The following TMEM132B variants were observed in gnomAD, a reference collection of about 807,000 sequenced individuals.
TMEM132B encodes transmembrane protein 132B.
In TMEM132B, 18 loss-of-function variants were observed where a neutral mutation model predicts 90.8. The ratio of observed to expected loss-of-function variants is 0.20; its 90% CI spans 0.14 to 0.29. The LOEUF is 0.29. Ranked by LOEUF, TMEM132B falls within the 10% of genes least tolerant of loss-of-function variation. TMEM132B has a pLI of 1.00. For synonymous variants in TMEM132B, 504 were observed against 523.3 expected (o/e 0.96, Z 0.50); for missense variants, 1,096 against 1,326.8 (o/e 0.83, Z 2.70).
At chr12:125,219,225 A>C (rs1045236297) in intron 1 of TMEM132B, among the ~76,000 whole-genome samples, 1 of 152,182 alleles carries the variant, frequency 6.6e-6, no homozygotes, top group Non-Finnish European at 1.5e-5. Context: ...GAGATGCAGA[A>C]ATGCATTCCC....
intron 5 of TMEM132B, among the ~76,000 whole-genome samples, chr12:125,594,495 C>T (rs1213833736): frequency 6.6e-6 from 1 of 152,224 alleles, no homozygotes; most frequent in Admixed American, 6.5e-5. Context: ...TACTTTCCCA[C>T]TATCAGGATT....
At chr12:125,302,816 G>T (rs1389704174) in intron 1 of TMEM132B, among the ~76,000 whole-genome samples, 1 of 152,070 alleles carries the variant, frequency 6.6e-6, no homozygotes, top group East Asian at 1.9e-4. Flanking sequence ...CATTAAGCAG[G>T]CTGGGTGCGG....
rs1300438832 is a variant in TMEM132B, at chr12:125,492,337, C to T, written c.1107-27102C>T. On this transcript the variant is annotated intron_variant, in intron 3 of 8. Transcript: ENST00000682704. The surrounding 1 kb of genome is among the most constrained non-coding windows in gnomAD (Gnocchi z 5.8). ...AGCGGGCTCTCGCGTGTCCTCCAAA[C>T]ACTGCTGCATGCCATGACACAGCTA... Among the ~76,000 whole-genome samples, 1 of 152,260 alleles carries T rather than the reference C, an allele frequency of 6.6e-6. No homozygotes were observed. Among genetic ancestry groups the T allele is most frequent in the Non-Finnish European group, 1.5e-5 (1 of 68,048 alleles).
chr12:125,368,805 T>C (rs1260891835), intron 2 of TMEM132B, among the ~76,000 whole-genome samples: 1 of 150,886 alleles, frequency 6.6e-6, no homozygotes, highest in Non-Finnish European at 1.5e-5. Flanking sequence ...TGCTTGGAAA[T>C]ACAATTTTTT....
intron 5 of TMEM132B, among the ~76,000 whole-genome samples, chr12:125,609,816 C>CAAAAAAA (rs763840695): frequency 4.8e-4 from 19 of 39,436 alleles, no homozygotes; most frequent in African/African-American, 1.9e-3. Flanking sequence ...GACTCTGTCT[C>CAAAAAAA]AAAAAAAAAA....
intron 1 of TMEM132B, among the ~76,000 whole-genome samples, chr12:125,259,060 G>T (rs1189220016): frequency 6.6e-6 from 1 of 152,154 alleles, no homozygotes; most frequent in Admixed American, 6.5e-5. Context: ...TGCCAGTGAT[G>T]TTCCAAGAAG....
At chr12:125,477,227 T>A (rs1231323834) in intron 3 of TMEM132B, among the ~76,000 whole-genome samples, 1 of 152,194 alleles carries the variant, frequency 6.6e-6, no homozygotes, top group Non-Finnish European at 1.5e-5. Context: ...TTCCCTTTTT[T>A]AAGAGTACAA....
chr12:125,490,503 A>T lies in TMEM132B; in HGVS notation c.1107-28936A>T, dbSNP rs79995407. ...TTTTGAGACAGAGCCTTGCTCTGTC[A>T]CCCAGGCTGGAGTGCAGTGGCTTGA... On this transcript the variant is annotated intron_variant, in intron 3 of 8. Coordinates refer to ENST00000682704, the MANE Select transcript of TMEM132B (RefSeq NM_001366854.1). This position sits in a 1 kb window ranked among gnomAD's most constrained non-coding sequence, Gnocchi z 4.2. Among the ~76,000 whole-genome samples the T allele has an allele frequency of 6.6e-6, 1 of 152,054 alleles. No individual in the cohort carries two copies. The highest frequency in any genetic ancestry group is 1.5e-5 in the Non-Finnish European group (1 of 68,020).
intron 5 of TMEM132B, among the ~76,000 whole-genome samples, chr12:125,639,157 C>T (rs1176286012): frequency 6.6e-6 from 1 of 152,126 alleles, no homozygotes; most frequent in East Asian, 1.9e-4. Flanking sequence ...CTCCCCACAC[C>T]CCTCCTTCCC....
At chr12:125,354,257 C>T (rs893760052) in intron 2 of TMEM132B, among the ~76,000 whole-genome samples, 5 of 152,210 alleles carry the variant, frequency 3.3e-5, no homozygotes, top group Non-Finnish European at 7.3e-5. Flanking sequence ...AAACTGGTGG[C>T]GGTAGCCAAA....
rs1167824883 is a variant in TMEM132B at position 125,528,472 on chromosome 12, TACA to T, written c.1293+8852_1293+8854del. Among the ~76,000 whole-genome samples, 16 of 152,306 alleles carry T rather than the reference TACA, an allele frequency of 1.1e-4. No homozygotes were observed. The East Asian group carries it at 3.1e-3, about 29-fold the overall frequency. ...TTTTAGTCGTATTGGCCTGAAACCT[TACA>T]ACAAGGCCTGGACACAAATACTTCT... On this transcript the variant is annotated intron_variant, in intron 4 of 8. Coordinates refer to ENST00000682704, the MANE Select transcript of TMEM132B (RefSeq NM_001366854.1).
chr12:125,584,277 TTCTC>T (rs777862203), intron 5 of TMEM132B: 9 of 408,728 alleles, frequency 2.2e-5, no homozygotes, highest in Admixed American at 7.6e-5. Flanking sequence ...TCCCCTATTC[TTCTC>T]TCTATCTTTC....
At chr12:125,455,707 A>G (rs567741607) in intron 3 of TMEM132B, among the ~76,000 whole-genome samples, 1 of 151,324 alleles carries the variant, frequency 6.6e-6, no homozygotes, top group African/African-American at 2.4e-5. Context: ...GGTATGTGTA[A>G]TCACTTGTAT....
At chr12:125,319,617 T>C (rs1876374266) in intron 1 of TMEM132B, among the ~76,000 whole-genome samples, 2 of 152,226 alleles carry the variant, frequency 1.3e-5, no homozygotes, top group African/African-American at 4.8e-5. Flanking sequence ...CCCTCAGGGC[T>C]GCGCTGGGCT....
chr12:125,650,320 G>C (rs1886873937), intron 6 of TMEM132B, among the ~76,000 whole-genome samples: 1 of 152,100 alleles, frequency 6.6e-6, no homozygotes, highest in Non-Finnish European at 1.5e-5. Context: ...CCAATGGGAG[G>C]GGTCAAAATG....
At chr12:125,204,500 A>G (rs111868247) in intron 1 of TMEM132B, among the ~76,000 whole-genome samples, 59 of 19,808 alleles carry the variant, frequency 3.0e-3, no homozygotes, top group African/African-American at 4.3e-3. Flanking sequence ...CTTTCAATGA[A>G]GGCTCCGTGT....
intron 2 of TMEM132B, among the ~76,000 whole-genome samples, chr12:125,352,142 C>T (rs1877607922): frequency 6.6e-6 from 1 of 152,202 alleles, no homozygotes; most frequent in African/African-American, 2.4e-5. Flanking sequence ...TTCAGGAAGG[C>T]CTTTAAGGCT....
chr12:125,563,789 G>A (rs1043910399), intron 4 of TMEM132B, among the ~76,000 whole-genome samples: 1 of 152,136 alleles, frequency 6.6e-6, no homozygotes, highest in African/African-American at 2.4e-5. Flanking sequence ...ACACAAAGGA[G>A]AAATACAGAG....
At chr12:125,220,347 A>G (rs1433683217) in intron 1 of TMEM132B, among the ~76,000 whole-genome samples, 1 of 152,152 alleles carries the variant, frequency 6.6e-6, no homozygotes, top group Non-Finnish European at 1.5e-5. Context: ...ACCAGGGGCG[A>G]CCCAGCCTCA....
Sources: allele counts gnomAD v4.1 joint callset (sites outside exome capture counted in the v4.1 genomes callset), GRCh38; gene constraint gnomAD v4.1.1; non-coding constraint Gnocchi (gnomAD v3.1); transcripts MANE v1.5; gene names NCBI Gene and HGNC (gene_info 2026-07-23, HGNC 2026-07-21).